The following CAMTA1 variants were observed in gnomAD, a reference collection of about 807,000 sequenced individuals.
The protein encoded by CAMTA1 is calmodulin-binding transcription activator 1.
In CAMTA1, 27 loss-of-function variants were observed where a neutral mutation model predicts 170.9. The observed-to-expected ratio is 0.16, with a 90% CI of 0.12 to 0.22. CAMTA1 has a LOEUF of 0.22. Ranked by LOEUF, CAMTA1 falls within the 10% of genes least tolerant of loss-of-function variation. The pLI is 1.00. For synonymous variants in CAMTA1, 833 were observed against 891.5 expected (o/e 0.93, Z 1.17); for missense variants, 1,619 against 2,217.2 (o/e 0.73, Z 5.42).
intron 3 of CAMTA1, among the ~76,000 whole-genome samples, chr1:7,022,773 A>G (rs1304104085): frequency 6.6e-6 from 1 of 152,194 alleles, no homozygotes; most frequent in East Asian, 1.9e-4. Flanking sequence ...GCTCCAGTGG[A>G]ACTTCCAGTC....
At chr1:6,988,569 A>G (rs1487679148) in intron 3 of CAMTA1, among the ~76,000 whole-genome samples, 1 of 152,190 alleles carries the variant, frequency 6.6e-6, no homozygotes, top group Non-Finnish European at 1.5e-5. Flanking sequence ...GAACCCTAGT[A>G]GAAGCAGAAA....
intron 6 of CAMTA1, among the ~76,000 whole-genome samples, chr1:7,639,798 C>A (rs1576538956): frequency 1.3e-5 from 2 of 151,626 alleles, no homozygotes; most frequent in Admixed American, 1.3e-4. Context: ...TGCTTCATTG[C>A]AGGGCTGTTT....
At chr1:6,899,538 A>C (rs867815713) in intron 3 of CAMTA1, among the ~76,000 whole-genome samples, 1 of 117,670 alleles carries the variant, frequency 8.5e-6, no homozygotes, top group African/African-American at 3.8e-5. Context: ...TATGTGTATA[A>C]CGCGCACGCG....
At chr1:7,149,946 T>G (rs533374907) in intron 4 of CAMTA1, among the ~76,000 whole-genome samples, 7 of 152,342 alleles carry the variant, frequency 4.6e-5, no homozygotes, top group African/African-American at 1.7e-4. Flanking sequence ...GGGCTTGTAC[T>G]GCCAGGGGAG....
chr1:7,631,140 C>A (rs1293124976), intron 6 of CAMTA1, among the ~76,000 whole-genome samples: 1 of 152,180 alleles, frequency 6.6e-6, no homozygotes, highest in Admixed American at 6.5e-5. Context: ...ACATCTGCAG[C>A]CTCGGTCCTG....
At chr1:7,698,096 T>G (rs1407633437) in intron 11 of CAMTA1, among the ~76,000 whole-genome samples, 1 of 108,662 alleles carries the variant, frequency 9.2e-6, no homozygotes, top group African/African-American at 3.2e-5. Flanking sequence ...CCCACCAACA[T>G]GGCCTTAGAC....
At chr1:7,760,357 T>C (rs761613269) in intron 22 of CAMTA1, among the ~76,000 whole-genome samples, 31 of 152,222 alleles carry the variant, frequency 2.0e-4, no homozygotes, top group Non-Finnish European at 4.0e-4. Context: ...CTTACACTTT[T>C]GGCTGTTTTA....
chr1:7,212,838 T>C (rs922326819), intron 4 of CAMTA1, among the ~76,000 whole-genome samples: 2 of 152,266 alleles, frequency 1.3e-5, no homozygotes, highest in African/African-American at 4.8e-5. Context: ...ATATCAAGAA[T>C]GTTATATAAT....
intron 4 of CAMTA1, among the ~76,000 whole-genome samples, chr1:7,235,654 C>T (rs1478489688): frequency 2.0e-5 from 3 of 152,114 alleles, no homozygotes; most frequent in Admixed American, 6.5e-5. Context: ...TGAAAGCACA[C>T]GCTGAATCTC....
intron 11 of CAMTA1, among the ~76,000 whole-genome samples, chr1:7,709,874 G>GTAA (rs2096556042): frequency 6.6e-6 from 1 of 152,196 alleles, no homozygotes; most frequent in Admixed American, 6.5e-5. Flanking sequence ...CATAGTAAGC[G>GTAA]TAAGTATTGA....
intron 4 of CAMTA1, among the ~76,000 whole-genome samples, chr1:7,180,688 A>G (rs900061690): frequency 1.3e-5 from 2 of 151,544 alleles, no homozygotes; most frequent in Non-Finnish European, 1.5e-5. Flanking sequence ...TAATTTTTAT[A>G]TTTTTTATAG....
intron 6 of CAMTA1, among the ~76,000 whole-genome samples, chr1:7,480,637 C>A (rs1356674613): frequency 6.6e-6 from 1 of 152,048 alleles, no homozygotes; most frequent in African/African-American, 2.4e-5. Flanking sequence ...TCCTTATGAA[C>A]GCTCCCTGCT....
chr1:7,497,068 G>A (rs188992057), intron 6 of CAMTA1, among the ~76,000 whole-genome samples: 1 of 152,340 alleles, frequency 6.6e-6, no homozygotes, highest in Admixed American at 6.5e-5. Context: ...GGTCTTTTCA[G>A]TTTCACTGAA....
At chr1:7,247,826 C>T (rs1413310448) in intron 4 of CAMTA1, among the ~76,000 whole-genome samples, 1 of 152,154 alleles carries the variant, frequency 6.6e-6, no homozygotes, top group African/African-American at 2.4e-5. Flanking sequence ...ACATGCAAGC[C>T]TACCTGCCAT....
chr1:7,686,443 C>T (rs1422760552), intron 11 of CAMTA1, among the ~76,000 whole-genome samples: 3 of 151,888 alleles, frequency 2.0e-5, no homozygotes, highest in Admixed American at 2.0e-4. Flanking sequence ...AGGAGCAAAG[C>T]CCCCAGGGAG....
rs375669646 is a variant in CAMTA1, at chr1:7,663,657, G to A, written c.1110G>A (p.Pro370=). 50 of 1,614,054 alleles carry A rather than the reference G, an allele frequency of 3.1e-5. No homozygotes were observed. Among genetic ancestry groups the A allele is most frequent in the African/African-American group, 2.7e-4 (20 of 74,924 alleles). ...VSISSGLNSD[P]DMVDSPVVTG... is the part of the protein sequence containing the mutation. ...TCAGCAGCGGGCTCAACAGCGACCCGGACATGGTGGACAGCCCGGTGGTCA... is the reference window on the plus strand; with the variant it reads ...TCAGCAGCGGGCTCAACAGCGACCCAGACATGGTGGACAGCCCGGTGGTCA... The change falls in exon 9 of 23, where the codon CCG becomes CCA. Residue 370 remains proline (P), a synonymous_variant. Coordinates refer to ENST00000303635, the MANE Select transcript of CAMTA1 (RefSeq NM_015215.4).
chr1:7,025,670 T>A (rs1701925201), intron 3 of CAMTA1, among the ~76,000 whole-genome samples: 1 of 152,168 alleles, frequency 6.6e-6, no homozygotes, highest in African/African-American at 2.4e-5. Flanking sequence ...CTGATTTCAA[T>A]GAACTAGACT....
At chr1:6,914,482 T>C (rs1280027215) in intron 3 of CAMTA1, among the ~76,000 whole-genome samples, 3 of 152,218 alleles carry the variant, frequency 2.0e-5, no homozygotes, top group Non-Finnish European at 2.9e-5. Flanking sequence ...AATAAATGAA[T>C]ATGTACTCTG....
At chr1:7,001,679 C>A (rs1698225178) in intron 3 of CAMTA1, among the ~76,000 whole-genome samples, 1 of 152,158 alleles carries the variant, frequency 6.6e-6, no homozygotes, top group Non-Finnish European at 1.5e-5. Flanking sequence ...CCTTTGTCAT[C>A]CTTTTGGGAG....
Sources: allele counts gnomAD v4.1 joint callset (sites outside exome capture counted in the v4.1 genomes callset), GRCh38; gene constraint gnomAD v4.1.1; transcripts MANE v1.5; gene names NCBI Gene and HGNC (gene_info 2026-07-23, HGNC 2026-07-21).